The following RNF216 variants were observed in gnomAD, a reference collection of about 807,000 sequenced individuals.
The protein encoded by RNF216 is ring finger protein 216, also known as E3 ubiquitin-protein ligase RNF216.
RNF216 carries 72 observed loss-of-function variants against 110.8 expected under a neutral mutation model. That is an observed-to-expected ratio of 0.65 (90% CI 0.54 to 0.79). The LOEUF (loss-of-function observed/expected upper bound fraction) is 0.79, where lower values mean the gene tolerates loss of function less well. Among genes scored for constraint, RNF216 ranks in the 30% least tolerant of loss-of-function variants. The pLI is 0.00. For synonymous variants in RNF216, 495 were observed against 407.5 expected, an observed-to-expected ratio of 1.21 and a Z score of -2.59; for missense variants, 1,342 against 1,141.2, an observed-to-expected ratio of 1.18 and a Z score of -2.54.
intron 13 of RNF216, among the ~76,000 whole-genome samples, chr7:5,687,392 C>G (rs1791053575): frequency 1.2e-5 from 1 of 83,316 alleles, no homozygotes; most frequent in Non-Finnish European, 2.1e-5. Flanking sequence ...GAAACTCCAC[C>G]TCAAAAAAAA....
At position 5,622,852 on chromosome 7, in the gene RNF216, C is replaced by T. The variant is rs767873301; in HGVS notation, c.*8G>A. The T allele has an allele frequency of 1.4e-5, 22 of 1,589,250 alleles. No individual in the cohort carries two copies. The highest frequency in any genetic ancestry group is 4.5e-5 in the East Asian group (2 of 44,550). ...GGCTTTGTGCTGCTCAATGGGGATT[C>T]GGGGCCATCAGAAGCGATGCCGCGG... On this transcript the variant is annotated 3_prime_UTR_variant, in exon 17 of 17. Coordinates refer to ENST00000389902, the MANE Select transcript of RNF216 (RefSeq NM_207111.4).
intron 5 of RNF216, among the ~76,000 whole-genome samples, chr7:5,738,707 C>CAAAAAAAA (rs71004696): frequency 1.4e-5 from 1 of 70,126 alleles, no homozygotes; most frequent in East Asian, 4.1e-4. Flanking sequence ...GACTCCGTCT[C>CAAAAAAAA]AAAAAAAAAA....
chr7:5,734,953 C>T (rs1195992960), intron 5 of RNF216, among the ~76,000 whole-genome samples: 8 of 151,958 alleles, frequency 5.3e-5, no homozygotes, highest in Non-Finnish European at 8.8e-5. Context: ...GAGTTCGAGA[C>T]CAGCCTGGCC....
chr7:5,623,834 C>T (rs1786541815), intron 16 of RNF216, among the ~76,000 whole-genome samples: 2 of 152,198 alleles, frequency 1.3e-5, no homozygotes, highest in South Asian at 4.1e-4. Flanking sequence ...TTGGGACTTC[C>T]TCACCATCAA....
chr7:5,697,334 C>T (rs995295605), intron 13 of RNF216, among the ~76,000 whole-genome samples: 2 of 152,232 alleles, frequency 1.3e-5, no homozygotes, highest in African/African-American at 4.8e-5. Flanking sequence ...CTCTTTCTTA[C>T]TCCCTTTGGC....
At chr7:5,749,931 T>A (rs1795244697) in intron 3 of RNF216, among the ~76,000 whole-genome samples, 2 of 152,206 alleles carry the variant, frequency 1.3e-5, no homozygotes, top group African/African-American at 4.8e-5. Flanking sequence ...ATGTTTTGTT[T>A]TCCAGATTTA....
intron 13 of RNF216, among the ~76,000 whole-genome samples, chr7:5,702,750 A>T (rs561318193): frequency 3.3e-5 from 5 of 152,252 alleles, no homozygotes; most frequent in Admixed American, 6.5e-5. Flanking sequence ...GAAATTTTAA[A>T]AAGTGAAAAC....
At chr7:5,758,561 T>C (rs1038488176) in intron 2 of RNF216, among the ~76,000 whole-genome samples, 3 of 152,320 alleles carry the variant, frequency 2.0e-5, no homozygotes, top group Middle Eastern at 6.8e-3. Context: ...AGCCTATCCC[T>C]TGCACCAGTG....
chr7:5,740,313 A>G (rs1794684954), intron 4 of RNF216, among the ~76,000 whole-genome samples: 1 of 151,936 alleles, frequency 6.6e-6, no homozygotes. Context: ...TTTTTAGTAG[A>G]GACAGGGTTT....
At chr7:5,742,163 C>A (rs1794793973) in intron 3 of RNF216, among the ~76,000 whole-genome samples, 1 of 152,200 alleles carries the variant, frequency 6.6e-6, no homozygotes, top group African/African-American at 2.4e-5. Context: ...TCTTGTGCCT[C>A]AGCCTCCCAA....
intron 7 of RNF216, among the ~76,000 whole-genome samples, chr7:5,729,209 G>C (rs1307021034): frequency 6.6e-6 from 1 of 152,148 alleles, no homozygotes; most frequent in East Asian, 1.9e-4. Flanking sequence ...TACACTCCAT[G>C]TTTTTACGGT....
At chr7:5,772,903 C>T (rs1340878738) in intron 1 of RNF216, among the ~76,000 whole-genome samples, 1 of 151,870 alleles carries the variant, frequency 6.6e-6, no homozygotes, top group Non-Finnish European at 1.5e-5. Flanking sequence ...CTCACCCTCC[C>T]GAGTAGCTGG....
chr7:5,780,388 T>C (rs1797013946), intron 1 of RNF216: 1 of 152,120 alleles, frequency 6.6e-6, no homozygotes, highest in African/African-American at 2.4e-5. Context: ...AGGGCGCTTC[T>C]TACTGAAGGG....
chr7:5,647,848 T>C (rs1283297622), intron 14 of RNF216, among the ~76,000 whole-genome samples: 1 of 152,188 alleles, frequency 6.6e-6, no homozygotes, highest in Non-Finnish European at 1.5e-5. Context: ...AGCCCTATGA[T>C]AGAGTGGCTT....
At chr7:5,644,832 T>TC (rs1041952768) in intron 14 of RNF216, among the ~76,000 whole-genome samples, 1 of 150,616 alleles carries the variant, frequency 6.6e-6, no homozygotes, top group African/African-American at 2.4e-5. Flanking sequence ...TTTTTCTTTT[T>TC]TTTTTTTTTT....
intron 13 of RNF216, among the ~76,000 whole-genome samples, chr7:5,710,578 G>A (rs1792613568): frequency 6.6e-6 from 1 of 152,170 alleles, no homozygotes; most frequent in African/African-American, 2.4e-5. Flanking sequence ...CAATAGGCAA[G>A]TAGACTTTCC....
chr7:5,696,761 C>T lies in RNF216; in HGVS notation c.2061+15000G>A, dbSNP rs1791655459. On this transcript the variant is annotated intron_variant, in intron 13 of 16. Coordinates refer to ENST00000389902, the MANE Select transcript of RNF216 (RefSeq NM_207111.4). The surrounding 1 kb of genome is among the most constrained non-coding windows in gnomAD (Gnocchi z 5.4). ...ATGGGAAAAGTAATCACAGCAAATA[C>T]CTGCAACATTGTACGAACGGGCTCT... is the stretch of plus-strand genomic sequence containing the variant. Among the ~76,000 whole-genome samples, 1 of 152,164 alleles carries T rather than the reference C, an allele frequency of 6.6e-6. No homozygotes were observed. The highest frequency in any genetic ancestry group is 2.4e-5 in the African/African-American group (1 of 41,432).
intron 13 of RNF216, among the ~76,000 whole-genome samples, chr7:5,665,094 A>C (rs892046251): frequency 5.9e-5 from 9 of 152,086 alleles, no homozygotes; most frequent in African/African-American, 2.2e-4. Context: ...CACCGCACCC[A>C]GCCAGGACAC....
At chr7:5,695,341 C>T (rs879617229) in intron 13 of RNF216, among the ~76,000 whole-genome samples, 2 of 152,128 alleles carry the variant, frequency 1.3e-5, no homozygotes, top group Admixed American at 6.5e-5. Context: ...GCCACAGAGA[C>T]GAAAACGACA....
Sources: allele counts gnomAD v4.1 joint callset (sites outside exome capture counted in the v4.1 genomes callset), GRCh38; gene constraint gnomAD v4.1.1; non-coding constraint Gnocchi (gnomAD v3.1); transcripts MANE v1.5; gene names NCBI Gene and HGNC (gene_info 2026-07-23, HGNC 2026-07-21).